The following ATP8A2 variants were observed in gnomAD, a reference collection of about 807,000 sequenced individuals.
The protein encoded by ATP8A2 is phospholipid-transporting ATPase IB.
ATP8A2 carries 100 observed loss-of-function variants against 165.6 expected under a neutral mutation model. The observed-to-expected ratio is 0.60, with a 90% CI of 0.51 to 0.71. The LOEUF (loss-of-function observed/expected upper bound fraction) is 0.71. Among genes scored for constraint, ATP8A2 ranks in the 30% least tolerant of loss-of-function variants. The probability of loss-of-function intolerance (pLI) is 0.00; values close to 1 mark genes in which losing one functional copy is unlikely to be tolerated. For missense variants in ATP8A2, 1,227 were observed against 1,479.5 expected (o/e 0.83, Z 2.80); for synonymous variants, 543 against 548.8 (o/e 0.99, Z 0.15).
intron 24 of ATP8A2, among the ~76,000 whole-genome samples, chr13:25,667,654 T>A (rs938382367): frequency 2.7e-5 from 4 of 147,868 alleles, no homozygotes; most frequent in Admixed American, 6.8e-5. Context: ...TTTTTTTTTA[T>A]AAATTACCCA....
At chr13:25,373,416 C>G (rs1271227098) in intron 1 of ATP8A2, among the ~76,000 whole-genome samples, 1 of 151,964 alleles carries the variant, frequency 6.6e-6, no homozygotes, top group Non-Finnish European at 1.5e-5. Context: ...GAGGAGAATC[C>G]CAGCCTGAAG....
intron 27 of ATP8A2, among the ~76,000 whole-genome samples, chr13:25,808,790 AT>A (rs1214825475): frequency 1.3e-5 from 2 of 151,868 alleles, no homozygotes; most frequent in South Asian, 2.1e-4. Flanking sequence ...TCTACTTAAA[AT>A]TTTTTTTCAT....
chr13:25,927,045 A>G (rs149473821), intron 33 of ATP8A2: 18 of 441,020 alleles, frequency 4.1e-5, no homozygotes, highest in African/African-American at 2.8e-4. Flanking sequence ...CTCCTGTGTG[A>G]TTGTTTTGTG....
intron 24 of ATP8A2, among the ~76,000 whole-genome samples, chr13:25,610,704 A>G (rs1027078728): frequency 4.6e-5 from 7 of 151,860 alleles, no homozygotes; most frequent in African/African-American, 1.7e-4. Context: ...TTGCTTTGGC[A>G]GGGTGGTCAT....
At chr13:25,732,935 C>T (rs1001960267) in intron 25 of ATP8A2, among the ~76,000 whole-genome samples, 1 of 151,806 alleles carries the variant, frequency 6.6e-6, no homozygotes, top group Non-Finnish European at 1.5e-5. Flanking sequence ...TTGTTTCCAC[C>T]CAAAATGTAG....
chr13:25,487,735 C>T (rs1413801272), intron 2 of ATP8A2, among the ~76,000 whole-genome samples: 1 of 152,132 alleles, frequency 6.6e-6, no homozygotes, highest in African/African-American at 2.4e-5. Flanking sequence ...TCTTTTTGCA[C>T]TAACCTGATT....
At chr13:25,878,749 C>T (rs982977077) in intron 33 of ATP8A2, among the ~76,000 whole-genome samples, 2 of 152,082 alleles carry the variant, frequency 1.3e-5, no homozygotes, top group Non-Finnish European at 2.9e-5. Context: ...CAACCAGTAC[C>T]TCAGGCTCTC....
chr13:25,468,818 C>G (rs1237968851), intron 1 of ATP8A2, 159 bp from the exon 2 acceptor site: 14 of 983,704 alleles, frequency 1.4e-5, no homozygotes, highest in Non-Finnish European at 2.4e-6. Flanking sequence ...GCACAGGCGG[C>G]GGCGTCTCCA....
intron 28 of ATP8A2, among the ~76,000 whole-genome samples, chr13:25,834,524 T>TA (rs1593421697): frequency 1.3e-5 from 2 of 151,926 alleles, no homozygotes; most frequent in African/African-American, 2.4e-5. Context: ...GGTGAATGGC[T>TA]AAAAAAAATG....
At chr13:25,418,471 TA>T (rs1313394442) in intron 1 of ATP8A2, among the ~76,000 whole-genome samples, 7 of 139,420 alleles carry the variant, frequency 5.0e-5, no homozygotes, top group African/African-American at 1.9e-4. Context: ...TGTTAAAGGA[TA>T]TTTTTTTTTC....
Position 25,855,166 on chromosome 13 carries a change from G to A in ATP8A2, c.2957-5029G>A, listed in dbSNP as rs532531397. Among the ~76,000 whole-genome samples, 9 of 151,540 alleles carry A rather than the reference G, an allele frequency of 5.9e-5. No homozygotes were observed. The South Asian group carries it at 8.3e-4, about 14-fold the overall frequency. On this transcript the variant is annotated intron_variant, in intron 30 of 36. Coordinates refer to ENST00000381655, the MANE Select transcript of ATP8A2 (RefSeq NM_016529.6). ...CTTGGGAGGCTGAAGCAAGAGAATC[G>A]CTTGAACCCAGGAGGCAGAGATTGC...
rs1420856910 is a variant in ATP8A2, at chr13:26,023,200, G to A, written c.*3215G>A. ...AGAATATTCCAGGCTTCTTGACCAG[G>A]GTTATGTTCACCCATCTCCCAACAC... is the stretch of plus-strand genomic sequence containing the variant. On this transcript the variant is annotated 3_prime_UTR_variant, in exon 37 of 37. Coordinates refer to ENST00000381655, the MANE Select transcript of ATP8A2 (RefSeq NM_016529.6). The A allele has an allele frequency of 6.6e-6, 1 of 152,206 alleles. No homozygotes were observed. Among genetic ancestry groups the A allele is most frequent in the Non-Finnish European group, 1.5e-5 (1 of 68,062 alleles). 9.4% of individuals were successfully genotyped at this position (152,206 alleles called of 1,614,324 possible). A position where few individuals can be genotyped will look rare whatever the true frequency, so the allele number is the denominator to read the frequency against.
intron 24 of ATP8A2, among the ~76,000 whole-genome samples, chr13:25,635,825 C>T (rs2041354107): frequency 6.6e-6 from 1 of 152,214 alleles, no homozygotes; most frequent in African/African-American, 2.4e-5. Flanking sequence ...AAAGCTGGAC[C>T]TTTGTCCTCA....
rs555537336 is a variant in ATP8A2 at position 25,783,299 on chromosome 13, A to G, written c.2679+8340A>G. ...CTTGTGCTGACAATTGTTGAGTAAT[A>G]ACTGCAACTGTAATATGTTGGTGGG... On this transcript the variant is annotated intron_variant, in intron 27 of 36. Transcript: ENST00000381655. 1.6e-3 allele frequency among the ~76,000 whole-genome samples: 250 copies of G among 152,326 alleles called. 2 individuals carry two copies. Among genetic ancestry groups the G allele is most frequent in the Non-Finnish European group, 2.9e-3 (198 of 68,034 alleles).
intron 35 of ATP8A2, among the ~76,000 whole-genome samples, 165 bp from the exon 36 acceptor site, chr13:26,012,366 C>T (rs1042027866): frequency 6.6e-6 from 1 of 152,080 alleles, no homozygotes. Context: ...AGCATTGAGG[C>T]GCCCAGATGG....
intron 33 of ATP8A2, 48 bp from the exon 34 acceptor site, chr13:25,961,527 T>G: frequency 1.4e-6 from 2 of 1,418,610 alleles, no homozygotes; most frequent in Non-Finnish European, 2.0e-6. Context: ...GTTGCTCTGT[T>G]TTTGAAAGAG....
chr13:26,008,144 C>T (rs1177751376), intron 35 of ATP8A2, among the ~76,000 whole-genome samples: 1 of 152,100 alleles, frequency 6.6e-6, no homozygotes, highest in East Asian at 1.9e-4. Flanking sequence ...AGAACTAGAG[C>T]ACACACAGGA....
intron 1 of ATP8A2, among the ~76,000 whole-genome samples, chr13:25,418,516 C>T (rs2034201511): frequency 6.6e-6 from 1 of 151,822 alleles, no homozygotes. Context: ...ATAGACATAG[C>T]GTTAAAGAGA....
At chr13:25,721,966 G>A (rs564966037) in intron 25 of ATP8A2, among the ~76,000 whole-genome samples, 7 of 152,304 alleles carry the variant, frequency 4.6e-5, no homozygotes, top group African/African-American at 1.7e-4. Context: ...ATATGCCCAG[G>A]AGTGAAATCA....
Sources: gnomAD v4.1 joint callset for allele counts (sites outside exome capture counted in the v4.1 genomes callset) on GRCh38, gnomAD v4.1.1 for gene constraint, MANE v1.5 for transcripts, NCBI Gene and HGNC (gene_info 2026-07-23, HGNC 2026-07-21) for gene names.